ITPKB: variants seen among roughly 807,000 people sequenced by gnomAD.
ITPKB encodes inositol-trisphosphate 3-kinase B.
In ITPKB, 13 loss-of-function variants were observed where a neutral mutation model predicts 69.4. The observed-to-expected ratio is 0.19, with a 90% confidence interval of 0.12 to 0.30. ITPKB has a LOEUF of 0.30. Ranked by LOEUF, ITPKB falls within the 10% of genes least tolerant of loss-of-function variation. The probability of loss-of-function intolerance (pLI) is 1.00; values close to 1 mark genes in which losing one functional copy is unlikely to be tolerated. For missense variants in ITPKB, 1,240 were observed against 1,250.5 expected (o/e 0.99, Z 0.13); for synonymous variants, 584 against 513.7 (o/e 1.14, Z -1.85).
At chr1:226,660,358 T>C (rs1261915660) in intron 2 of ITPKB, among the ~76,000 whole-genome samples, 1 of 152,182 alleles carries the variant, frequency 6.6e-6, no homozygotes, top group Non-Finnish European at 1.5e-5. Context: ...CCACACTCTA[T>C]AGGAGCTGGC....
In ITPKB at chr1:226,636,871, G is replaced by A. The variant is rs2102737373; in HGVS notation, c.2625+808C>T. 2.6e-5 allele frequency among the ~76,000 whole-genome samples: 4 copies of A among 152,248 alleles called. No individual in the cohort carries two copies. The Middle Eastern group carries it at 0.01, about 388-fold the overall frequency. On this transcript the variant is annotated intron_variant, in intron 7 of 7. Transcript: ENST00000429204. Reference sequence around the variant, plus strand: ...TGTGTGTGGATATATGAATACATGTGTGTGTTTGTATACGTATGACTTGTG... The same window carrying A: ...TGTGTGTGGATATATGAATACATGTATGTGTTTGTATACGTATGACTTGTG...
intron 2 of ITPKB, among the ~76,000 whole-genome samples, chr1:226,708,141 T>C (rs530916837): frequency 2.0e-5 from 3 of 152,332 alleles, no homozygotes; most frequent in East Asian, 1.9e-4. Flanking sequence ...ATTGCAATTA[T>C]GTAAAACAAA....
intron 2 of ITPKB, among the ~76,000 whole-genome samples, chr1:226,695,912 G>A (rs1656473434): frequency 6.6e-6 from 1 of 152,170 alleles, no homozygotes; most frequent in African/African-American, 2.4e-5. Context: ...GGGAGGAGGG[G>A]GAGGAAACGG....
chr1:226,689,569 T>TTGTGTGTGTGTG (rs10589027), intron 2 of ITPKB, among the ~76,000 whole-genome samples: 13 of 138,568 alleles, frequency 9.4e-5, no homozygotes, highest in Non-Finnish European at 1.7e-4. Context: ...AAGGTTTTAT[T>TTGTGTGTGTGTG]TGTGTGTGTG....
chr1:226,666,376 C>T (rs2102762072), intron 2 of ITPKB, among the ~76,000 whole-genome samples: 1 of 152,312 alleles, frequency 6.6e-6, no homozygotes, highest in East Asian at 1.9e-4. Context: ...GGTCATCTTG[C>T]TTCTTACCAG....
rs563111820 is a variant in ITPKB, at chr1:226,698,439, A to G, written c.1932+37088T>C. On this transcript the variant is annotated intron_variant, in intron 2 of 7. Transcript: ENST00000429204. The stretch of plus-strand genomic sequence containing the variant: ...ATTAGAGGAGGACCAACCTTTCAGA[A>G]TCGTAAGACTGGAAAGTGTGTGCCT... Among the ~76,000 whole-genome samples, 42 of 152,316 alleles carry G rather than the reference A, an allele frequency of 2.8e-4. No individual in the cohort carries two copies. The South Asian group carries it at 8.7e-3, about 32-fold the overall frequency.
At chr1:226,651,137 A>G (rs905655017) in intron 2 of ITPKB, among the ~76,000 whole-genome samples, 4 of 152,072 alleles carry the variant, frequency 2.6e-5, no homozygotes, top group Non-Finnish European at 5.9e-5. Context: ...CTCAGTGGAG[A>G]GAAAGAGAAG....
At chr1:226,678,304 C>G (rs1342685536) in intron 2 of ITPKB, among the ~76,000 whole-genome samples, 1 of 152,188 alleles carries the variant, frequency 6.6e-6, no homozygotes, top group Non-Finnish European at 1.5e-5. Flanking sequence ...AAAATGAAAA[C>G]TGGCTGCCAT....
At chr1:226,685,239 T>A (rs1306624550) in intron 2 of ITPKB, among the ~76,000 whole-genome samples, 3 of 152,160 alleles carry the variant, frequency 2.0e-5, no homozygotes, top group East Asian at 1.9e-4. Context: ...CACAGGATGT[T>A]TTAATTTCCT....
chr1:226,698,843 T>C (rs750360440), intron 2 of ITPKB, among the ~76,000 whole-genome samples: 19 of 152,232 alleles, frequency 1.2e-4, no homozygotes, highest in Non-Finnish European at 2.5e-4. Flanking sequence ...TCTGCTACCC[T>C]GGTCATATCT....
chr1:226,710,653 C>T (rs1210464046), intron 2 of ITPKB, among the ~76,000 whole-genome samples: 1 of 152,250 alleles, frequency 6.6e-6, no homozygotes, highest in East Asian at 1.9e-4. Context: ...ATTACACACT[C>T]ATGCTGGGAC....
At chr1:226,696,419 T>A (rs777435214) in intron 2 of ITPKB, among the ~76,000 whole-genome samples, 13 of 152,072 alleles carry the variant, frequency 8.5e-5, no homozygotes, top group Non-Finnish European at 1.3e-4. Flanking sequence ...ATAATGTACA[T>A]CCCTGGCACG....
At chr1:226,710,248 G>C (rs1001584141) in intron 2 of ITPKB, among the ~76,000 whole-genome samples, 2 of 152,156 alleles carry the variant, frequency 1.3e-5, no homozygotes, top group Non-Finnish European at 2.9e-5. Flanking sequence ...TTCATGGTGA[G>C]CCCTTTTAAC....
rs1380514515 is a variant in ITPKB, at chr1:226,738,797, G to T, written c.-206+244C>A. Among the ~76,000 whole-genome samples, 1 of 152,202 alleles carries T rather than the reference G, an allele frequency of 6.6e-6. No individual in the cohort carries two copies. Among genetic ancestry groups the T allele is most frequent in the Non-Finnish European group, 1.5e-5 (1 of 68,024 alleles). On this transcript the variant is annotated intron_variant, in intron 1 of 7. Coordinates refer to ENST00000429204, the MANE Select transcript of ITPKB (RefSeq NM_002221.4). This position sits in a 1 kb window ranked among gnomAD's most constrained non-coding sequence, Gnocchi z 4.2. ...TGGGGACTCCTGGAGCGCGCTGAGG[G>T]AGGCGGCGCGGAGTGAGCGGCCCGG...
intron 2 of ITPKB, among the ~76,000 whole-genome samples, chr1:226,651,491 C>T (rs1244544111): frequency 6.6e-6 from 1 of 152,142 alleles, no homozygotes; most frequent in Non-Finnish European, 1.5e-5. Context: ...GGAGGGGACC[C>T]AGGTGTCTCT....
chr1:226,639,887 C>T (rs1226521336), intron 5 of ITPKB, among the ~76,000 whole-genome samples: 1 of 152,164 alleles, frequency 6.6e-6, no homozygotes, highest in Non-Finnish European at 1.5e-5. Flanking sequence ...GCTGACATCC[C>T]CAGGCGAGTG....
At chr1:226,730,569 T>C (rs1301394454) in intron 2 of ITPKB, among the ~76,000 whole-genome samples, 1 of 152,170 alleles carries the variant, frequency 6.6e-6, no homozygotes, top group Non-Finnish European at 1.5e-5. Flanking sequence ...CACAGAACCT[T>C]CTACCCTGAG....
intron 2 of ITPKB, chr1:226,656,909 A>T (rs1412689623): frequency 6.6e-6 from 1 of 152,248 alleles, no homozygotes; most frequent in African/African-American, 2.4e-5. Context: ...CAGACAGGCA[A>T]ACCTTCCAGG....
chr1:226,640,703 G>A (rs1445563948), intron 5 of ITPKB, among the ~76,000 whole-genome samples: 1 of 152,018 alleles, frequency 6.6e-6, no homozygotes, highest in Non-Finnish European at 1.5e-5. Context: ...TTAAGGAGAA[G>A]GCGGATGGGT....
Sources: allele counts gnomAD v4.1 joint callset (sites outside exome capture counted in the v4.1 genomes callset), GRCh38; gene constraint gnomAD v4.1.1; non-coding constraint Gnocchi (gnomAD v3.1); transcripts MANE v1.5; gene names NCBI Gene and HGNC (gene_info 2026-07-23, HGNC 2026-07-21).